PLCB4: variants seen among roughly 807,000 people sequenced by gnomAD.
The protein encoded by PLCB4 is 1-phosphatidylinositol 4,5-bisphosphate phosphodiesterase beta-4.
PLCB4 carries 77 observed loss-of-function variants against 178.8 expected under a neutral mutation model. The ratio of observed to expected loss-of-function variants is 0.43; its 90% confidence interval spans 0.36 to 0.52. The LOEUF (loss-of-function observed/expected upper bound fraction) is 0.52. PLCB4 is among the 20% of genes least tolerant of loss of function. The pLI is 0.00. For synonymous variants in PLCB4, 496 were observed against 490.8 expected, an observed-to-expected ratio of 1.01 and a Z score of -0.14; for missense variants, 1,024 against 1,453.4, an observed-to-expected ratio of 0.70 and a Z score of 4.80.
intron 2 of PLCB4, among the ~76,000 whole-genome samples, chr20:9,209,375 C>T (rs898661213): frequency 6.6e-6 from 1 of 151,812 alleles, no homozygotes; most frequent in South Asian, 2.1e-4. Flanking sequence ...TCTAAGGTGG[C>T]CCCCCGAGAC....
At chr20:9,403,567 C>T (rs1187129670) in intron 20 of PLCB4, among the ~76,000 whole-genome samples, 1 of 152,328 alleles carries the variant, frequency 6.6e-6, no homozygotes, top group African/African-American at 2.4e-5. Flanking sequence ...AACTCCAGTG[C>T]AGCCATGTGG....
intron 1 of PLCB4, among the ~76,000 whole-genome samples, chr20:9,080,831 A>G (rs531805705): frequency 2.6e-5 from 4 of 152,182 alleles, no homozygotes; most frequent in Non-Finnish European, 5.9e-5. Flanking sequence ...GGGACTTTCA[A>G]ATCAAAGTGT....
chr20:9,319,704 C>T (rs967322025), intron 4 of PLCB4, among the ~76,000 whole-genome samples: 1 of 152,134 alleles, frequency 6.6e-6, no homozygotes, highest in Non-Finnish European at 1.5e-5. Context: ...CCATTTTGTT[C>T]AGTTCAAGCC....
intron 2 of PLCB4, among the ~76,000 whole-genome samples, chr20:9,123,432 T>TTA (rs1555832764): frequency 8.5e-4 from 128 of 151,248 alleles, no homozygotes; most frequent in East Asian, 3.3e-3. Flanking sequence ...TTTTTTTTTT[T>TTA]TATATATATT....
intron 7 of PLCB4, among the ~76,000 whole-genome samples, chr20:9,356,376 C>T (rs191635123): frequency 6.6e-6 from 1 of 152,148 alleles, no homozygotes; most frequent in Non-Finnish European, 1.5e-5. Context: ...TATCTACAGT[C>T]CCTATTTATT....
intron 7 of PLCB4, among the ~76,000 whole-genome samples, chr20:9,339,488 A>C (rs1601942576): frequency 6.6e-6 from 1 of 152,196 alleles, no homozygotes; most frequent in East Asian, 1.9e-4. Context: ...TATATAATTT[A>C]AATTGTTCTT....
intron 1 of PLCB4, among the ~76,000 whole-genome samples, chr20:9,077,287 AT>A (rs1462538644): frequency 8.6e-5 from 13 of 152,046 alleles, no homozygotes; most frequent in East Asian, 5.8e-4. Flanking sequence ...ATGTGTGAGA[AT>A]TTTTTTTGTA....
intron 36 of PLCB4, among the ~76,000 whole-genome samples, chr20:9,470,652 A>T (rs1332869565): frequency 6.6e-6 from 1 of 152,210 alleles, no homozygotes; most frequent in African/African-American, 2.4e-5. Context: ...GGTCTTAAAA[A>T]TTTATCTTAT....
At chr20:9,109,616 A>T (rs1027615701) in intron 2 of PLCB4, among the ~76,000 whole-genome samples, 1 of 152,178 alleles carries the variant, frequency 6.6e-6, no homozygotes, top group Admixed American at 6.6e-5. Flanking sequence ...TCATGAAATA[A>T]CAGGAGGATT....
intron 3 of PLCB4, among the ~76,000 whole-genome samples, chr20:9,297,107 A>G (rs1018259500): frequency 2.0e-5 from 3 of 152,130 alleles, no homozygotes; most frequent in African/African-American, 7.2e-5. Context: ...CATGAAAGAG[A>G]AAAACCCAGT....
chr20:9,272,216 TCAAGGTACCATGG>T (rs1460829670), intron 3 of PLCB4, among the ~76,000 whole-genome samples: 1 of 151,728 alleles, frequency 6.6e-6, no homozygotes, highest in Admixed American at 6.6e-5. Flanking sequence ...AAAGAAAATA[TCAAGGTACCATGG>T]CTAAGAAGGT....
At chr20:9,280,505 G>A in intron 3 of PLCB4, 1 of 967,770 alleles carries the variant, frequency 1.0e-6, no homozygotes, top group Non-Finnish European at 1.2e-6. Flanking sequence ...ATTTCACTGG[G>A]TTTCTCATCC....
intron 24 of PLCB4, 109 bp downstream of exon 24, chr20:9,409,290 A>G: frequency 1.3e-6 from 1 of 782,350 alleles, no homozygotes; most frequent in Non-Finnish European, 1.9e-6. Context: ...AAGCAGACAT[A>G]TGGCAAAGCA....
chr20:9,444,184 T>G lies in PLCB4; in HGVS notation c.2821T>G (p.Leu941Val). The G allele has an allele frequency of 6.2e-7, 1 of 1,600,898 alleles. No homozygotes were observed. Among genetic ancestry groups the G allele is most frequent in the African/African-American group, 1.3e-5 (1 of 74,630 alleles). Residue 941 changes from leucine (L) to valine (V), a missense_variant, in exon 32 of 40, where the codon TTG becomes GTG. Coordinates refer to ENST00000378473, the MANE Select transcript of PLCB4 (RefSeq NM_001377142.1). Reference protein sequence around the residue: ...IEDLKQMKAYLKHLKKQQKEL... With the variant: ...IEDLKQMKAYVKHLKKQQKEL... ...TTCTATTTTTCTCCCAAAGGCTTAC[T>G]TGAAGCATTTAAAGAAACAGCAGAA... is the stretch of plus-strand genomic sequence containing the variant.
chr20:9,255,602 CTTTA>C (rs1465086407), intron 3 of PLCB4, among the ~76,000 whole-genome samples: 1 of 146,344 alleles, frequency 6.8e-6, no homozygotes, highest in Non-Finnish European at 1.5e-5. Context: ...AATATATAAT[CTTTA>C]TTTATCCCAC....
chr20:9,237,886 G>A (rs1289210670), intron 3 of PLCB4, among the ~76,000 whole-genome samples: 1 of 152,010 alleles, frequency 6.6e-6, no homozygotes, highest in Non-Finnish European at 1.5e-5. Context: ...ACCAAGGGAG[G>A]AATTAATATT....
intron 2 of PLCB4, among the ~76,000 whole-genome samples, chr20:9,152,614 C>A (rs560496790): frequency 6.6e-6 from 1 of 152,300 alleles, no homozygotes; most frequent in African/African-American, 2.4e-5. Context: ...CCTGTATGCC[C>A]AGGCAAAAGT....
intron 3 of PLCB4, among the ~76,000 whole-genome samples, chr20:9,226,385 A>G (rs1367526720): frequency 6.6e-6 from 1 of 152,076 alleles, no homozygotes. Flanking sequence ...ATAGAAGTTA[A>G]CTCACTCTTC....
chr20:9,355,120 C>G (rs1054605521), intron 7 of PLCB4, among the ~76,000 whole-genome samples: 3 of 152,168 alleles, frequency 2.0e-5, no homozygotes, highest in African/African-American at 2.4e-5. Context: ...TCTAGTCTCT[C>G]TAAGTGCTAT....
Sources: gnomAD v4.1 joint callset for allele counts (sites outside exome capture counted in the v4.1 genomes callset) on GRCh38, gnomAD v4.1.1 for gene constraint, MANE v1.5 for transcripts, NCBI Gene and HGNC (gene_info 2026-07-23, HGNC 2026-07-21) for gene names.